Variants in LAMA2 observed in about 807,000 individuals in gnomAD.
The protein encoded by LAMA2 is laminin subunit alpha-2.
A neutral mutation model predicts 364.8 loss-of-function variants in LAMA2; 269 were observed. The observed-to-expected ratio is 0.74, with a 90% CI of 0.67 to 0.82. LAMA2 has a LOEUF of 0.82. LAMA2 is among the 40% of genes least tolerant of loss of function. The pLI, the probability that LAMA2 is intolerant of heterozygous loss-of-function variation, is 0.00. For synonymous variants in LAMA2, 1,379 were observed against 1,370.6 expected, an observed-to-expected ratio of 1.01 and a Z score of -0.14; for missense variants, 3,807 against 3,873.2, an observed-to-expected ratio of 0.98 and a Z score of 0.45.
chr6:129,157,575 C>T, intron 8 of LAMA2: 2 of 1,613,044 alleles, frequency 1.2e-6, no homozygotes, highest in South Asian at 1.1e-5. Context: ...CTTCTTAATT[C>T]TCAACGCTGT....
At chr6:129,406,716 A>G (rs941802059) in intron 40 of LAMA2, among the ~76,000 whole-genome samples, 6 of 152,170 alleles carry the variant, frequency 3.9e-5, no homozygotes, top group Non-Finnish European at 8.8e-5. Context: ...AGATTTTTAA[A>G]ATTGATGAAT....
Position 129,088,645 on chromosome 6 carries a change from C to A in LAMA2, c.397-9528C>A, listed in dbSNP as rs575071701. Among the ~76,000 whole-genome samples the A allele has an allele frequency of 1.6e-3, 235 of 147,784 alleles. 1 individual carries two copies. Among genetic ancestry groups the A allele is most frequent in the Non-Finnish European group, 2.7e-3 (176 of 66,270 alleles). On this transcript the variant is annotated intron_variant, in intron 3 of 64. Transcript: ENST00000421865. ...CTCACTTCCCAGATGGGGTAGCTGC[C>A]GGGCGGAGGGGCTCCTCACTTCTCA... is the stretch of plus-strand genomic sequence containing the variant.
At chr6:129,171,003 CT>C (rs1158794578) in intron 9 of LAMA2, among the ~76,000 whole-genome samples, 3 of 151,294 alleles carry the variant, frequency 2.0e-5, no homozygotes, top group Non-Finnish European at 4.4e-5. Flanking sequence ...CAACCCCTGC[CT>C]TTTTTTGTTT....
At chr6:129,339,358 AC>A (rs1379172962) in intron 29 of LAMA2, among the ~76,000 whole-genome samples, 1 of 152,220 alleles carries the variant, frequency 6.6e-6, no homozygotes, top group Admixed American at 6.5e-5. Context: ...AACGAGAAAT[AC>A]AGGAGTATTA....
rs2114679578 is a variant in LAMA2 at position 129,395,566 on chromosome 6, A to G, written c.5445+2311A>G. 1.3e-5 allele frequency among the ~76,000 whole-genome samples: 2 copies of G among 152,342 alleles called. 1 individual carries two copies. Among genetic ancestry groups the G allele is most frequent in the East Asian group, 3.9e-4 (2 of 5,182 alleles). On this transcript the variant is annotated intron_variant, in intron 37 of 64. Transcript: ENST00000421865. ...TTTAAAAATTCCTCCAGTGATTAAG[A>G]TGCAGCTTCAAGGTTGAGAACCACG...
intron 1 of LAMA2, among the ~76,000 whole-genome samples, chr6:128,997,341 AGAAAGAAAGAAAGAAC>A (rs1227162990): frequency 2.1e-5 from 2 of 97,294 alleles, no homozygotes; most frequent in Admixed American, 1.0e-4. Flanking sequence ...AGAAAGAGAA[AGAAAGAAAGAAAGAAC>A]GAAAGAAAGA....
At chr6:128,975,492 A>G (rs1420821887) in intron 1 of LAMA2, among the ~76,000 whole-genome samples, 1 of 152,152 alleles carries the variant, frequency 6.6e-6, no homozygotes, top group Non-Finnish European at 1.5e-5. Context: ...TTGGAATATA[A>G]AGTGTGGGGC....
intron 17 of LAMA2, among the ~76,000 whole-genome samples, chr6:129,275,527 G>A (rs766926536): frequency 4.0e-5 from 6 of 151,836 alleles, no homozygotes; most frequent in Non-Finnish European, 7.4e-5. Context: ...AACTGTAAAT[G>A]TTCACTGTAA....
intron 1 of LAMA2, among the ~76,000 whole-genome samples, chr6:128,958,391 C>T (rs947243887): frequency 3.3e-5 from 5 of 151,990 alleles, no homozygotes; most frequent in African/African-American, 1.2e-4. Context: ...CTAACAGGCT[C>T]CTGGGTACCC....
At chr6:128,926,662 T>C (rs1582695758) in intron 1 of LAMA2, among the ~76,000 whole-genome samples, 1 of 152,206 alleles carries the variant, frequency 6.6e-6, no homozygotes, top group Non-Finnish European at 1.5e-5. Flanking sequence ...ATAGACCACA[T>C]TTTGAATATT....
chr6:129,190,405 C>T (rs1055205480), intron 11 of LAMA2, 60 bp downstream of exon 11: 24 of 1,561,370 alleles, frequency 1.5e-5, no homozygotes, highest in South Asian at 6.8e-5. Flanking sequence ...TTGCTTTCAT[C>T]GTTGTTCTTT....
intron 19 of LAMA2, 40 bp downstream of exon 19, chr6:129,288,098 T>TACAATACATCA: frequency 6.5e-7 from 1 of 1,545,114 alleles, no homozygotes; most frequent in Non-Finnish European, 9.0e-7. Flanking sequence ...AGAATTGATG[T>TACAATACATCA]ATTGTACCTC....
chr6:129,021,264 T>C (rs560658022), intron 1 of LAMA2, among the ~76,000 whole-genome samples: 1 of 152,320 alleles, frequency 6.6e-6, no homozygotes, highest in African/African-American at 2.4e-5. Flanking sequence ...GGACATTATG[T>C]TACCTATTTA....
rs1782978228 is a variant in LAMA2, at chr6:129,456,629, A to G, written c.6867+135A>G. The G allele has an allele frequency of 1.4e-5, 12 of 865,562 alleles. 1 individual carries two copies. The South Asian group carries it at 1.6e-4, about 12-fold the overall frequency. The allele number at this position is 865,562 out of a possible 1,614,324, so 53.6% of individuals were successfully genotyped here. On this transcript the variant is annotated intron_variant, in intron 48 of 64. Transcript: ENST00000421865. ...TTAACTTGCATTTATGAAAACATGA[A>G]TTTACTTTGAGTAAGAATTTTCTTC...
At chr6:129,112,037 T>C (rs9492237) in intron 4 of LAMA2, among the ~76,000 whole-genome samples, 35,538 of 151,836 alleles carry the variant, frequency 0.23, 4,412 homozygotes, top group African/African-American at 0.32. Context: ...TATAATCACA[T>C]GTGTAGATGT....
intron 9 of LAMA2, among the ~76,000 whole-genome samples, chr6:129,167,184 A>T (rs1779800920): frequency 6.6e-6 from 1 of 152,022 alleles, no homozygotes; most frequent in South Asian, 2.1e-4. Context: ...ATTATACTTT[A>T]AGTTTTAGGG....
At chr6:129,114,083 A>C (rs943289240) in intron 4 of LAMA2, among the ~76,000 whole-genome samples, 1 of 152,036 alleles carries the variant, frequency 6.6e-6, no homozygotes, top group Non-Finnish European at 1.5e-5. Flanking sequence ...TTAAATAATA[A>C]AGAAATAGCA....
intron 1 of LAMA2, among the ~76,000 whole-genome samples, chr6:128,915,510 C>T (rs1302232812): frequency 6.6e-6 from 1 of 152,166 alleles, no homozygotes; most frequent in African/African-American, 2.4e-5. Flanking sequence ...ACACTGCTTA[C>T]CAGCAGTTTA....
At chr6:129,018,049 T>A (rs1360462809) in intron 1 of LAMA2, among the ~76,000 whole-genome samples, 1 of 151,754 alleles carries the variant, frequency 6.6e-6, no homozygotes, top group East Asian at 1.9e-4. Context: ...CTACTTTGCA[T>A]GGAAAAAACT....
Sources: allele counts gnomAD v4.1 joint callset (sites outside exome capture counted in the v4.1 genomes callset), GRCh38; gene constraint gnomAD v4.1.1; transcripts MANE v1.5; gene names NCBI Gene and HGNC (gene_info 2026-07-23, HGNC 2026-07-21).